FGF10: variants seen among roughly 807,000 people sequenced by gnomAD.
FGF10 encodes the protein fibroblast growth factor 10, also known as FGF-10.
A neutral mutation model predicts 19.8 loss-of-function variants in FGF10; 2 were observed. That is an observed-to-expected ratio of 0.10 (90% CI 0.04 to 0.32). The LOEUF (loss-of-function observed/expected upper bound fraction) is 0.32. Among genes scored for constraint, FGF10 ranks in the 10% least tolerant of loss-of-function variants. The pLI is 1.00. For missense variants in FGF10, 191 were observed against 246.3 expected (o/e 0.78, Z 1.50); for synonymous variants, 112 against 94.0 (o/e 1.19, Z -1.10).
chr5:44,318,124 A>G (rs1024996553), intron 1 of FGF10, among the ~76,000 whole-genome samples: 23 of 152,238 alleles, frequency 1.5e-4, no homozygotes, highest in African/African-American at 4.8e-4. Context: ...TGTTTGAGTC[A>G]TTTGCTGTGA....
intron 1 of FGF10, among the ~76,000 whole-genome samples, chr5:44,365,081 C>T (rs1278847116): frequency 1.3e-5 from 2 of 151,720 alleles, no homozygotes; most frequent in Admixed American, 6.6e-5. Context: ...TGTAAAATGT[C>T]GGCATGGTTG....
rs887385352 is a variant in FGF10, at chr5:44,303,989, C to A, written c.*1006G>T. Reference sequence around the variant, plus strand: ...TTAATTTTCCTTTTTTTAGTATATTCTTGGAGGCAAACTGATGTATTGAAA... The same window carrying A: ...TTAATTTTCCTTTTTTTAGTATATTATTGGAGGCAAACTGATGTATTGAAA... On this transcript the variant is annotated 3_prime_UTR_variant, in exon 3 of 3. Coordinates refer to ENST00000264664, the MANE Select transcript of FGF10 (RefSeq NM_004465.2). The A allele has an allele frequency of 1.3e-5, 2 of 152,024 alleles. No homozygotes were observed. The highest frequency in any genetic ancestry group is 2.9e-5 in the Non-Finnish European group (2 of 68,008). The allele number at this position is 152,024 out of a possible 1,614,324, so 9.4% of individuals were successfully genotyped here.
intron 1 of FGF10, among the ~76,000 whole-genome samples, chr5:44,317,284 A>C (rs1410092957): frequency 1.3e-5 from 2 of 152,178 alleles, no homozygotes; most frequent in African/African-American, 2.4e-5. Context: ...TTTGCAGAAA[A>C]TCCTTTCTAT....
intron 1 of FGF10, among the ~76,000 whole-genome samples, chr5:44,324,433 G>A (rs952896230): frequency 6.6e-6 from 1 of 151,982 alleles, no homozygotes; most frequent in African/African-American, 2.4e-5. Context: ...TCTTTTTAAC[G>A]TACCTGGGTT....
At position 44,340,340 on chromosome 5, in the gene FGF10, T is replaced by C. The variant is rs540257211; in HGVS notation, c.326-29810A>G. Among the ~76,000 whole-genome samples the C allele has an allele frequency of 5.3e-5, 8 of 152,222 alleles. No homozygotes were observed. The South Asian group carries it at 1.4e-3, about 28-fold the overall frequency. On this transcript the variant is annotated intron_variant, in intron 1 of 2. Transcript: ENST00000264664. Reference sequence around the variant, plus strand: ...ACACTTTAGTGAGGGTTATAAGCCTTTGAAATCTACCCTTGTATCCATAAA... The same window carrying C: ...ACACTTTAGTGAGGGTTATAAGCCTCTGAAATCTACCCTTGTATCCATAAA...
chr5:44,357,210 G>A (rs1182357997), intron 1 of FGF10, among the ~76,000 whole-genome samples: 1 of 151,348 alleles, frequency 6.6e-6, no homozygotes, highest in Non-Finnish European at 1.5e-5. Flanking sequence ...AAAACTTAAT[G>A]TTAGACCAGA....
Position 44,302,239 on chromosome 5 carries a change from C to T in FGF10, c.*2756G>A, listed in dbSNP as rs959473950. ...CTTACCAAACAATCTTTCTTTCTCT[C>T]TCCTTCCTTCCCTCCCTTCTTTCCT... On this transcript the variant is annotated 3_prime_UTR_variant, in exon 3 of 3. Coordinates refer to ENST00000264664, the MANE Select transcript of FGF10 (RefSeq NM_004465.2). Among the ~76,000 whole-genome samples the T allele has an allele frequency of 7.3e-5, 11 of 150,888 alleles. No individual in the cohort carries two copies. In the South Asian group the frequency reaches 1.7e-3, roughly 23 times the overall value.
At chr5:44,376,499 A>AC (rs1741861374) in intron 1 of FGF10, among the ~76,000 whole-genome samples, 2 of 111,258 alleles carry the variant, frequency 1.8e-5, no homozygotes, top group East Asian at 2.1e-4. Flanking sequence ...CCAAAAAAAA[A>AC]AAAAAAAAAA....
chr5:44,362,966 T>G (rs938240171), intron 1 of FGF10, among the ~76,000 whole-genome samples: 1 of 151,772 alleles, frequency 6.6e-6, no homozygotes, highest in Non-Finnish European at 1.5e-5. Flanking sequence ...TTAATTATGT[T>G]GTCCCCAAAA....
intron 2 of FGF10, among the ~76,000 whole-genome samples, chr5:44,305,857 C>T (rs552653716): frequency 9.2e-5 from 14 of 152,120 alleles, no homozygotes; most frequent in Non-Finnish European, 1.8e-4. Flanking sequence ...TGGAATTCCT[C>T]GTTTTGTGAA....
intron 1 of FGF10, among the ~76,000 whole-genome samples, chr5:44,374,396 G>C (rs892458783): frequency 2.0e-5 from 3 of 152,056 alleles, no homozygotes; most frequent in Non-Finnish European, 4.4e-5. Flanking sequence ...CAGGTTCCAG[G>C]ATTAGAACCT....
At chr5:44,319,814 A>G (rs1740440480) in intron 1 of FGF10, among the ~76,000 whole-genome samples, 1 of 152,182 alleles carries the variant, frequency 6.6e-6, no homozygotes, top group Non-Finnish European at 1.5e-5. Flanking sequence ...TTCATTTGCC[A>G]TAACTATATA....
At chr5:44,378,052 A>G (rs931248410) in intron 1 of FGF10, among the ~76,000 whole-genome samples, 2 of 150,950 alleles carry the variant, frequency 1.3e-5, no homozygotes, top group Non-Finnish European at 3.0e-5. Context: ...AAACAACATG[A>G]CATACCACTA....
chr5:44,353,765 G>A (rs1741285961), intron 1 of FGF10, among the ~76,000 whole-genome samples: 1 of 151,192 alleles, frequency 6.6e-6, no homozygotes, highest in Non-Finnish European at 1.5e-5. Context: ...CCATCAATGG[G>A]AAGAGAAAAC....
Position 44,300,985 on chromosome 5 carries a change from C to T in FGF10, c.*4010G>A, listed in dbSNP as rs1256050518. Among the ~76,000 whole-genome samples the T allele has an allele frequency of 6.6e-6, 1 of 151,940 alleles. No homozygotes were observed. Among genetic ancestry groups the T allele is most frequent in the Non-Finnish European group, 1.5e-5 (1 of 67,970 alleles). ...GTAGACTAGAAGCAATCTGGCCTAA[C>T]CAAATAAAACCAATGAAGGGTAACA... On this transcript the variant is annotated 3_prime_UTR_variant, in exon 3 of 3. Coordinates refer to ENST00000264664, the MANE Select transcript of FGF10 (RefSeq NM_004465.2).
intron 1 of FGF10, among the ~76,000 whole-genome samples, chr5:44,343,230 G>A (rs1489287910): frequency 1.3e-5 from 2 of 151,954 alleles, no homozygotes; most frequent in Non-Finnish European, 2.9e-5. Flanking sequence ...TCTATGCTAT[G>A]AATCCTAAAG....
intron 1 of FGF10, among the ~76,000 whole-genome samples, chr5:44,341,971 G>A (rs1740981204): frequency 6.6e-6 from 1 of 151,896 alleles, no homozygotes; most frequent in African/African-American, 2.4e-5. Context: ...ACCATTTGGT[G>A]ATGATTGAAG....
Position 44,349,457 on chromosome 5 carries a change from T to TCAGA in FGF10, c.325+38900_325+38901insTCTG, listed in dbSNP as rs1386268498. Among the ~76,000 whole-genome samples, 53 of 29,778 alleles carry TCAGA rather than the reference T, an allele frequency of 1.8e-3. 5 individuals carry two copies. The highest frequency in any genetic ancestry group is 6.8e-3 in the African/African-American group (52 of 7,602). The allele number at this position is 29,778 out of a possible 152,430, so 19.5% of individuals were successfully genotyped here. A position where few individuals can be genotyped will look rare whatever the true frequency, so the allele number is the denominator to read the frequency against. ...ATATATATATATATATATATATATA[T>TCAGA]ATATATATATATCAGAATATATATA... On this transcript the variant is annotated intron_variant, in intron 1 of 2. Transcript: ENST00000264664.
chr5:44,383,477 G>C (rs1173387744), intron 1 of FGF10, among the ~76,000 whole-genome samples: 1 of 151,980 alleles, frequency 6.6e-6, no homozygotes, highest in African/African-American at 2.4e-5. Flanking sequence ...TTAGGTAATA[G>C]GTTACTGAAA....
Sources: allele counts gnomAD v4.1 joint callset (sites outside exome capture counted in the v4.1 genomes callset), GRCh38; gene constraint gnomAD v4.1.1; transcripts MANE v1.5; gene names NCBI Gene and HGNC (gene_info 2026-07-23, HGNC 2026-07-21).